The following RPGRIP1L variants were observed in gnomAD, a reference collection of about 807,000 sequenced individuals.
RPGRIP1L encodes the protein protein fantom.
In RPGRIP1L, 131 loss-of-function variants were observed where a neutral mutation model predicts 160.4. The ratio of observed to expected loss-of-function variants is 0.82; its 90% CI spans 0.71 to 0.94. The LOEUF is 0.94. Ranked by LOEUF, RPGRIP1L falls within the 40% of genes least tolerant of loss-of-function variation. RPGRIP1L has a pLI of 0.00. For synonymous variants in RPGRIP1L, 510 were observed against 515.8 expected (o/e 0.99, Z 0.15); for missense variants, 1,522 against 1,535.8 (o/e 0.99, Z 0.15).
chr16:53,692,874 A>G (rs542220444), intron 3 of RPGRIP1L, among the ~76,000 whole-genome samples: 2 of 152,258 alleles, frequency 1.3e-5, no homozygotes, highest in African/African-American at 4.8e-5. Context: ...TATAAAGCCC[A>G]ATGAAAAATT....
chr16:53,690,886 A>G (rs989521323), intron 4 of RPGRIP1L, among the ~76,000 whole-genome samples: 1 of 152,146 alleles, frequency 6.6e-6, no homozygotes, highest in Non-Finnish European at 1.5e-5. Flanking sequence ...GTACTTTCTA[A>G]TTTATAATTC....
In RPGRIP1L at chr16:53,652,594, A is replaced by G; in HGVS notation, c.2093T>C (p.Leu698Ser). ...TEYETIAACQ[L>S]KFHEILEKSG... ...TTTTTCAAGAATTTCGTGAAATTTT[A>G]ATTGACATGCTGCAATTGTTTCATA... The change falls in exon 15 of 27, where the codon TTA becomes TCA. Residue 698 changes from leucine to serine, a missense_variant. Leu to Ser is a moderately radical substitution (Grantham distance 145). Coordinates refer to ENST00000647211, the MANE Select transcript of RPGRIP1L (RefSeq NM_015272.5). 3 of 1,614,150 alleles carry G rather than the reference A, an allele frequency of 1.9e-6. No individual in the cohort carries two copies. Among genetic ancestry groups the G allele is most frequent in the Non-Finnish European group, 2.5e-6 (3 of 1,180,002 alleles).
At chr16:53,602,633 A>G (rs566955109) in intron 26 of RPGRIP1L, among the ~76,000 whole-genome samples, 50 of 152,038 alleles carry the variant, frequency 3.3e-4, no homozygotes, top group Non-Finnish European at 5.4e-4. Context: ...AAATTAGCCG[A>G]GCATGGTGGT....
intron 22 of RPGRIP1L, among the ~76,000 whole-genome samples, chr16:53,623,678 T>C (rs1409468112): frequency 6.6e-6 from 1 of 152,170 alleles, no homozygotes; most frequent in Non-Finnish European, 1.5e-5. Flanking sequence ...AAGAGCAAGT[T>C]GGTTGTTTCC....
chr16:53,664,204 A>G (rs2151194990), intron 10 of RPGRIP1L, among the ~76,000 whole-genome samples: 1 of 152,344 alleles, frequency 6.6e-6, no homozygotes, highest in South Asian at 2.1e-4. Context: ...GACTTCTTTA[A>G]TTATAATTCT....
intron 9 of RPGRIP1L, among the ~76,000 whole-genome samples, chr16:53,666,620 G>A (rs950771532): frequency 6.7e-6 from 1 of 150,342 alleles, no homozygotes; most frequent in East Asian, 1.9e-4. Flanking sequence ...ATGTATGTAT[G>A]TATATGCATG....
chr16:53,647,738 T>C (rs538131939), intron 16 of RPGRIP1L, among the ~76,000 whole-genome samples: 3 of 152,294 alleles, frequency 2.0e-5, no homozygotes, highest in South Asian at 2.1e-4. Context: ...TGAACAGACA[T>C]ACCAAATGTT....
intron 15 of RPGRIP1L, among the ~76,000 whole-genome samples, chr16:53,650,617 T>A (rs1217492391): frequency 6.6e-6 from 1 of 152,068 alleles, no homozygotes. Flanking sequence ...CAGCCTTTGG[T>A]GAGGGGACCC....
intron 6 of RPGRIP1L, among the ~76,000 whole-genome samples, chr16:53,683,262 A>C (rs12597721): frequency 6.6e-6 from 1 of 152,056 alleles, no homozygotes; most frequent in East Asian, 1.9e-4. Flanking sequence ...AACTTGTTGG[A>C]AAGGAGAAAA....
intron 26 of RPGRIP1L, 54 bp from the exon 27 acceptor site, chr16:53,602,242 G>T: frequency 8.2e-7 from 1 of 1,223,594 alleles, no homozygotes; most frequent in Non-Finnish European, 1.2e-6. Flanking sequence ...TTTTTCTTTG[G>T]AAAGGCTCGC....
At chr16:53,636,988 T>A (rs939161201) in intron 21 of RPGRIP1L, among the ~76,000 whole-genome samples, 49 of 141,760 alleles carry the variant, frequency 3.5e-4, no homozygotes, top group African/African-American at 1.0e-3. Context: ...ACACACACAC[T>A]CTTTAATTAC....
chr16:53,662,031 CA>C (rs1310659622), intron 10 of RPGRIP1L, among the ~76,000 whole-genome samples: 1 of 152,070 alleles, frequency 6.6e-6, no homozygotes, highest in Non-Finnish European at 1.5e-5. Flanking sequence ...TTATAATAGG[CA>C]AAATCAAAGC....
At chr16:53,603,464 G>C (rs1963491207) in intron 26 of RPGRIP1L, among the ~76,000 whole-genome samples, 1 of 152,080 alleles carries the variant, frequency 6.6e-6, no homozygotes, top group African/African-American at 2.4e-5. Flanking sequence ...GAGTAGCTGG[G>C]ACTACAGTTG....
At chr16:53,666,868 T>TTGA (rs1223598005) in intron 9 of RPGRIP1L, among the ~76,000 whole-genome samples, 1 of 152,140 alleles carries the variant, frequency 6.6e-6, no homozygotes, top group Non-Finnish European at 1.5e-5. Context: ...CTAGTGTAAA[T>TTGA]CAGCATAAGT....
intron 22 of RPGRIP1L, among the ~76,000 whole-genome samples, chr16:53,626,812 A>C (rs1186327918): frequency 6.6e-6 from 1 of 151,810 alleles, no homozygotes; most frequent in East Asian, 1.9e-4. Flanking sequence ...CTCTCAAAAA[A>C]AAAAAAAAAA....
intron 22 of RPGRIP1L, among the ~76,000 whole-genome samples, chr16:53,627,770 C>T (rs1461209194): frequency 6.6e-6 from 1 of 151,944 alleles, no homozygotes; most frequent in Non-Finnish European, 1.5e-5. Flanking sequence ...TGAGATTTAT[C>T]ACATTTATTT....
intron 9 of RPGRIP1L, among the ~76,000 whole-genome samples, chr16:53,670,500 C>G (rs1968624216): frequency 6.6e-6 from 1 of 152,220 alleles, no homozygotes; most frequent in East Asian, 1.9e-4. Context: ...CACACACACA[C>G]AGATATCTGT....
At chr16:53,621,691 T>C (rs1473774416) in intron 23 of RPGRIP1L, among the ~76,000 whole-genome samples, 2 of 152,212 alleles carry the variant, frequency 1.3e-5, no homozygotes, top group African/African-American at 4.8e-5. Flanking sequence ...TTTTCAATGC[T>C]GGAACAATTC....
Position 53,645,789 on chromosome 16 carries a change from T to C in RPGRIP1L, c.2519A>G (p.Asp840Gly), listed in dbSNP as rs949487941. 1 of 1,614,012 alleles carries C rather than the reference T, an allele frequency of 6.2e-7. No homozygotes were observed. Among genetic ancestry groups the C allele is most frequent in the African/African-American group, 1.3e-5 (1 of 74,910 alleles). The change falls in exon 17 of 27, where the codon GAT becomes GGT. Residue 840 changes from aspartate to glycine, a missense_variant. By Grantham distance (94) the Asp-to-Gly change is moderately conservative. Coordinates refer to ENST00000647211, the MANE Select transcript of RPGRIP1L (RefSeq NM_015272.5). ...CATTGGCACTGGGAAATACATATGATCATCAAACTGTGGATCATTGCTACT... is the reference window on the plus strand; with the variant it reads ...CATTGGCACTGGGAAATACATATGACCATCAAACTGTGGATCATTGCTACT... Reference protein sequence around the residue: ...IPSSNDPQFDDHMYFPVPMNM... With the variant: ...IPSSNDPQFDGHMYFPVPMNM...
Sources: gnomAD v4.1 joint callset for allele counts (sites outside exome capture counted in the v4.1 genomes callset) on GRCh38, gnomAD v4.1.1 for gene constraint, MANE v1.5 for transcripts, NCBI Gene and HGNC (gene_info 2026-07-23, HGNC 2026-07-21) for gene names.